DACH2: variants seen among roughly 807,000 people sequenced by gnomAD.
The protein encoded by DACH2 is dachshund homolog 2.
In DACH2, 17 loss-of-function variants were observed where a neutral mutation model predicts 35.8. The ratio of observed to expected loss-of-function variants is 0.48; its 90% CI spans 0.33 to 0.71. The LOEUF is 0.71. Among genes scored for constraint, DACH2 ranks in the 30% least tolerant of loss-of-function variants. The pLI, the probability that DACH2 is intolerant of heterozygous loss-of-function variation, is 0.02. For missense variants in DACH2, 469 were observed against 472.7 expected (o/e 0.99, Z 0.07); for synonymous variants, 195 against 177.3 (o/e 1.10, Z -0.79).
chrX:86,634,490 T>G (rs2040239423), intron 3 of DACH2, among the ~76,000 whole-genome samples: 1 of 110,836 alleles, frequency 9.0e-6, no homozygotes, highest in African/African-American at 3.3e-5. Context: ...ACATTAAAAT[T>G]GGAAACAGGG....
chrX:86,681,066 A>G (rs1209706147), intron 4 of DACH2, among the ~76,000 whole-genome samples: 1 of 110,956 alleles, frequency 9.0e-6, no homozygotes, highest in East Asian at 2.8e-4. Context: ...CTATCTATCT[A>G]TCTATCTATA....
intron 1 of DACH2, among the ~76,000 whole-genome samples, chrX:86,234,673 G>A (rs907841026): frequency 9.2e-6 from 1 of 108,551 alleles, no homozygotes; most frequent in South Asian, 4.1e-4. Flanking sequence ...GAGTGCAGTG[G>A]TGCGATCTCG....
intron 3 of DACH2, among the ~76,000 whole-genome samples, chrX:86,635,088 C>A (rs1370124381): frequency 9.0e-6 from 1 of 111,169 alleles, no homozygotes; most frequent in Non-Finnish European, 1.9e-5. Context: ...AGGCTAATAC[C>A]TTTGAGGAAC....
intron 7 of DACH2, among the ~76,000 whole-genome samples, chrX:86,745,279 T>C (rs1282360400): frequency 9.0e-6 from 1 of 111,648 alleles, no homozygotes; most frequent in East Asian, 2.8e-4. Flanking sequence ...TTTTCAACTT[T>C]TAAGTTCAGA....
intron 2 of DACH2, among the ~76,000 whole-genome samples, chrX:86,453,368 G>T (rs2037416395): frequency 8.9e-6 from 1 of 111,992 alleles, no homozygotes; most frequent in African/African-American, 3.2e-5. Flanking sequence ...GAATATCTTT[G>T]TTAATTTTCT....
intron 2 of DACH2, among the ~76,000 whole-genome samples, chrX:86,471,264 C>A (rs1320379808): frequency 9.0e-6 from 1 of 111,438 alleles, no homozygotes; most frequent in Admixed American, 9.6e-5. Context: ...TTTGAGAGAC[C>A]TTCTCCTTTA....
intron 3 of DACH2, among the ~76,000 whole-genome samples, chrX:86,570,109 A>T (rs2039346635): frequency 8.9e-6 from 1 of 111,877 alleles, no homozygotes; most frequent in Non-Finnish European, 1.9e-5. Flanking sequence ...CAAGGTGTGG[A>T]GAAATAGGGA....
chrX:86,811,740 G>A (rs1282551747), intron 7 of DACH2, among the ~76,000 whole-genome samples: 1 of 111,702 alleles, frequency 9.0e-6, no homozygotes, highest in African/African-American at 3.3e-5. Flanking sequence ...TTTTACATAC[G>A]TAGTTACAGA....
intron 2 of DACH2, among the ~76,000 whole-genome samples, chrX:86,513,799 T>C (rs1012463354): frequency 1.8e-5 from 2 of 111,949 alleles, no homozygotes; most frequent in Non-Finnish European, 3.8e-5. Flanking sequence ...TCCCAGCAGC[T>C]GTGGAAATGC....
intron 1 of DACH2, among the ~76,000 whole-genome samples, chrX:86,257,721 C>T (rs2033549299): frequency 8.9e-6 from 1 of 112,128 alleles, no homozygotes; most frequent in South Asian, 3.7e-4. Flanking sequence ...AACTCTTGCT[C>T]TTAATATATA....
At chrX:86,570,349 A>G (rs767561428) in intron 3 of DACH2, among the ~76,000 whole-genome samples, 15 of 111,838 alleles carry the variant, frequency 1.3e-4, no homozygotes, top group African/African-American at 4.9e-4. Flanking sequence ...AATACCCATT[A>G]ATGATAGACT....
At chrX:86,279,502 C>G (rs773811277) in intron 1 of DACH2, among the ~76,000 whole-genome samples, 117 of 111,270 alleles carry the variant, frequency 1.1e-3, no homozygotes, top group African/African-American at 3.6e-3. Context: ...ACGCAAAGGA[C>G]GTCCACACAG....
intron 3 of DACH2, among the ~76,000 whole-genome samples, chrX:86,518,293 C>T (rs1378519879): frequency 8.9e-6 from 1 of 112,068 alleles, no homozygotes; most frequent in Non-Finnish European, 1.9e-5. Context: ...GTTTTGGTCA[C>T]TGTAGCCTTG....
intron 7 of DACH2, among the ~76,000 whole-genome samples, chrX:86,744,584 T>G (rs2041691572): frequency 9.0e-6 from 1 of 111,437 alleles, no homozygotes; most frequent in Admixed American, 9.6e-5. Flanking sequence ...TTCAGAACAT[T>G]AAGACATACC....
intron 6 of DACH2, among the ~76,000 whole-genome samples, chrX:86,728,610 G>A (rs999709457): frequency 8.9e-6 from 1 of 112,621 alleles, no homozygotes; most frequent in Non-Finnish European, 1.9e-5. Flanking sequence ...TAGGAGGGAA[G>A]AATTATTTCT....
At chrX:86,474,107 G>A (rs1365733591) in intron 2 of DACH2, among the ~76,000 whole-genome samples, 3 of 111,664 alleles carry the variant, frequency 2.7e-5, no homozygotes, top group Admixed American at 9.5e-5. Context: ...GCATTTCTCC[G>A]ATGATGAATA....
intron 7 of DACH2, among the ~76,000 whole-genome samples, chrX:86,778,619 TC>T (rs1424428475): frequency 4.5e-5 from 5 of 111,260 alleles, no homozygotes; most frequent in African/African-American, 1.6e-4. Flanking sequence ...ATTTTCTTTT[TC>T]TTTTTTTTGA....
intron 3 of DACH2, among the ~76,000 whole-genome samples, chrX:86,628,727 T>C (rs921970991): frequency 1.8e-5 from 2 of 111,985 alleles, no homozygotes. Context: ...ATGACACTGG[T>C]TGAGAATCAC....
intron 11 of DACH2, among the ~76,000 whole-genome samples, chrX:86,820,473 T>TC (rs766061256): frequency 2.7e-5 from 3 of 110,005 alleles, no homozygotes; most frequent in Non-Finnish European, 5.7e-5. Context: ...CTTTTTTTTT[T>TC]CCTGAACCAT....
Sources: gnomAD v4.1 joint callset for allele counts (sites outside exome capture counted in the v4.1 genomes callset) on GRCh38, gnomAD v4.1.1 for gene constraint, MANE v1.5 for transcripts, NCBI Gene and HGNC (gene_info 2026-07-23, HGNC 2026-07-21) for gene names.